Variants in PPP2R1B observed in about 807,000 individuals in gnomAD.
PPP2R1B encodes serine/threonine-protein phosphatase 2A 65 kDa regulatory subunit A beta isoform.
Under a neutral mutation model 72.7 loss-of-function variants are expected in PPP2R1B, and 58 were observed. That is an observed-to-expected ratio of 0.80 (90% confidence interval 0.65 to 0.99). PPP2R1B has a LOEUF of 0.99. Ranked by LOEUF, PPP2R1B falls within the 50% of genes least tolerant of loss-of-function variation. The probability of loss-of-function intolerance (pLI) is 0.00; values close to 1 mark genes in which losing one functional copy is unlikely to be tolerated. For missense variants in PPP2R1B, 695 were observed against 733.6 expected, an observed-to-expected ratio of 0.95 and a Z score of 0.61; for synonymous variants, 256 against 264.6, an observed-to-expected ratio of 0.97 and a Z score of 0.32.
the PPP2R1B span, among the ~76,000 whole-genome samples, chr11:111,704,600 A>G: frequency 1.3e-5 from 2 of 152,180 alleles, no homozygotes; most frequent in South Asian, 2.1e-4. Flanking sequence ...TGTTGAAGCC[A>G]TGGAATTAGA....
the PPP2R1B span, among the ~76,000 whole-genome samples, chr11:111,698,944 T>C: frequency 1.6e-4 from 25 of 152,332 alleles, no homozygotes; most frequent in African/African-American, 4.3e-4. Flanking sequence ...CCTTGACTCA[T>C]GAGAACATCT....
intron 1 of PPP2R1B, 22 bp downstream of exon 1, chr11:111,766,226 G>A (rs117554466): frequency 1.9e-6 from 3 of 1,612,232 alleles, no homozygotes; most frequent in Admixed American, 1.7e-5. Context: ...CTCGCCTCGG[G>A]TCCCCGGCCT....
chr11:111,733,694 C>T (rs1299652215), downstream of PPP2R1B, among the ~76,000 whole-genome samples: 1 of 152,200 alleles, frequency 6.6e-6, no homozygotes, highest in Non-Finnish European at 1.5e-5. Context: ...ACATAGCTCC[C>T]GGAGCGCACA....
downstream of PPP2R1B, among the ~76,000 whole-genome samples, chr11:111,733,375 C>T (rs1300749703): frequency 6.6e-6 from 1 of 152,080 alleles, no homozygotes; most frequent in Admixed American, 6.6e-5. Context: ...GCGGACTTCC[C>T]CTGGAGCCGA....
downstream of PPP2R1B, chr11:111,726,752 T>C: frequency 1.7e-6 from 1 of 572,574 alleles, no homozygotes; most frequent in East Asian, 2.8e-5. Flanking sequence ...GCTCTTTTTC[T>C]GCGGGGCTAC....
the PPP2R1B span, among the ~76,000 whole-genome samples, chr11:111,689,055 AG>A: frequency 6.6e-6 from 1 of 152,244 alleles, no homozygotes; most frequent in African/African-American, 2.4e-5. Context: ...GAGAAGTTAG[AG>A]AAGCTTGTCA....
Position 111,764,814 on chromosome 11 carries a change from G to A in PPP2R1B, c.297C>T (p.His99=), listed in dbSNP as rs1244193522. The change falls in exon 3 of 15, where the codon CAC becomes CAT. Residue 99 remains histidine (H), a synonymous_variant. Coordinates refer to ENST00000527614, the MANE Select transcript of PPP2R1B (RefSeq NM_002716.5). ...GCTTATAAATACTCACCAGCAGACA[G>A]TGGGCAAAGTCAGGACCTCCCACTA... ...TGLVGGPDFA[H]CLLPPLENLA... 6.2e-7 allele frequency: 1 copy of A among 1,614,076 alleles called. No individual in the cohort carries two copies. Among genetic ancestry groups the A allele is most frequent in the East Asian group, 2.2e-5 (1 of 44,882 alleles).
the PPP2R1B span, among the ~76,000 whole-genome samples, chr11:111,699,813 G>C: frequency 3.3e-5 from 5 of 152,262 alleles, no homozygotes; most frequent in East Asian, 9.6e-4. Context: ...TTTACAGATG[G>C]GGAAACTAAG....
chr11:111,734,492 G>A (rs996269442), downstream of PPP2R1B, among the ~76,000 whole-genome samples: 3 of 152,278 alleles, frequency 2.0e-5, no homozygotes, highest in African/African-American at 4.8e-5. Flanking sequence ...GTCTTTTTGT[G>A]CGGACAGCTC....
the PPP2R1B span, chr11:111,719,736 A>G: frequency 1.9e-6 from 3 of 1,577,772 alleles, no homozygotes; most frequent in East Asian, 4.5e-5. Context: ...CTGTCTCAGC[A>G]GTGCAGAAAC....
the PPP2R1B span, among the ~76,000 whole-genome samples, chr11:111,691,665 GAC>G: frequency 1.3e-5 from 2 of 151,942 alleles, no homozygotes; most frequent in South Asian, 4.1e-4. Flanking sequence ...ATTACAAGCA[GAC>G]ACACACACAC....
chr11:111,734,190 T>A (rs1440119411), downstream of PPP2R1B, among the ~76,000 whole-genome samples: 1 of 152,234 alleles, frequency 6.6e-6, no homozygotes, highest in Non-Finnish European at 1.5e-5. Flanking sequence ...TATCTTACTT[T>A]AACTCTTGCC....
chr11:111,715,150 G>A, the PPP2R1B span, among the ~76,000 whole-genome samples: 1 of 152,240 alleles, frequency 6.6e-6, no homozygotes, highest in Non-Finnish European at 1.5e-5. Context: ...GCAGTGCCAC[G>A]CTGGAGCTGG....
At chr11:111,764,659 A>T in intron 3 of PPP2R1B, 146 bp downstream of exon 3, 1 of 772,002 alleles carries the variant, frequency 1.3e-6, no homozygotes, top group Non-Finnish European at 2.0e-6. Context: ...TGCCTACAGT[A>T]CTTATTCTCT....
intron 5 of PPP2R1B, among the ~76,000 whole-genome samples, chr11:111,755,897 G>A (rs1465483846): frequency 1.3e-5 from 2 of 152,006 alleles, no homozygotes; most frequent in African/African-American, 4.8e-5. Context: ...GCGCCTGGCC[G>A]TGTATTTATA....
intron 14 of PPP2R1B, 55 bp from the exon 15 acceptor site, chr11:111,741,667 T>C: frequency 6.4e-6 from 10 of 1,556,256 alleles, no homozygotes; most frequent in Non-Finnish European, 8.8e-6. Flanking sequence ...ACGAACGATC[T>C]ATGTGAATAT....
the PPP2R1B span, chr11:111,701,668 G>A: frequency 6.7e-7 from 1 of 1,481,606 alleles, no homozygotes; most frequent in Admixed American, 2.0e-5. This position sits in a 1 kb window ranked among gnomAD's most constrained non-coding sequence, Gnocchi z 4.2. Flanking sequence ...CTAAGAGTTT[G>A]GGTGCCAAAT....
In PPP2R1B at chr11:111,739,619, A is replaced by G. The variant is rs1021634188; in HGVS notation, c.*1977T>C. 3 of 985,330 alleles carry G rather than the reference A, an allele frequency of 3.0e-6. No individual in the cohort carries two copies. The East Asian group carries it at 3.4e-4, about 112-fold the overall frequency. 61.0% of individuals were successfully genotyped at this position (985,330 alleles called of 1,614,324 possible). A position where few individuals can be genotyped will look rare whatever the true frequency, so the allele number is the denominator to read the frequency against. ...GCTCCTCACTGGGAGACACAAGGGC[A>G]TTTTAAAAGTCTGTCCCCAAAACAA... On this transcript the variant is annotated 3_prime_UTR_variant, in exon 15 of 15. Transcript: ENST00000527614.
At chr11:111,719,099 G>C in the PPP2R1B span, among the ~76,000 whole-genome samples, 366 of 152,346 alleles carry the variant, frequency 2.4e-3, no homozygotes, top group African/African-American at 8.2e-3. Context: ...ATTAGCCTCT[G>C]CTGGAATTTT....
Sources: allele counts gnomAD v4.1 joint callset (sites outside exome capture counted in the v4.1 genomes callset), GRCh38; gene constraint gnomAD v4.1.1; non-coding constraint Gnocchi (gnomAD v3.1); transcripts MANE v1.5; gene names NCBI Gene and HGNC (gene_info 2026-07-23, HGNC 2026-07-21).